Variants in MTERF4 observed in about 807,000 individuals in gnomAD.
MTERF4 encodes mitochondrial transcription termination factor 4, also known as transcription termination factor 4, mitochondrial.
Under a neutral mutation model 22.5 loss-of-function variants are expected in MTERF4, and 17 were observed. The observed-to-expected ratio is 0.75, with a 90% CI of 0.52 to 1.13. The LOEUF (loss-of-function observed/expected upper bound fraction) is 1.13, where lower values mean the gene tolerates loss of function less well. MTERF4 is among the 50% of genes most tolerant of loss of function. The pLI is 0.00. For synonymous variants in MTERF4, 165 were observed against 175.3 expected (o/e 0.94, Z 0.47); for missense variants, 420 against 466.8 (o/e 0.90, Z 0.92).
the MTERF4 span, chr2:241,064,941 C>T: frequency 6.3e-7 from 1 of 1,585,832 alleles, no homozygotes; most frequent in Non-Finnish European, 8.5e-7. The surrounding 1 kb of genome is among the most constrained non-coding windows in gnomAD (Gnocchi z 7.0). Context: ...GCTACACGGG[C>T]GAGGACTGCG....
intron 2 of MTERF4, among the ~76,000 whole-genome samples, chr2:241,098,973 T>C (rs1317115427): frequency 6.6e-6 from 1 of 152,114 alleles, no homozygotes; most frequent in Non-Finnish European, 1.5e-5. Flanking sequence ...CCAAGCCAAA[T>C]TATACAGTCC....
At chr2:241,097,158 G>C in intron 3 of MTERF4, 85 bp downstream of exon 3, 1 of 1,499,414 alleles carries the variant, frequency 6.7e-7, no homozygotes, top group Non-Finnish European at 9.2e-7. Flanking sequence ...CACGGTACCA[G>C]TCATTCTCAC....
chr2:241,069,750 T>G (rs1399790963), downstream of MTERF4, among the ~76,000 whole-genome samples: 1 of 152,100 alleles, frequency 6.6e-6, no homozygotes, highest in Non-Finnish European at 1.5e-5. The surrounding 1 kb of genome is among the most constrained non-coding windows in gnomAD (Gnocchi z 4.9). Flanking sequence ...GTTGGAAGAT[T>G]GTGCTGTACG....
intron 1 of MTERF4, 188 bp downstream of exon 1, chr2:241,102,065 G>T: frequency 9.3e-6 from 6 of 647,002 alleles, no homozygotes; most frequent in Non-Finnish European, 1.2e-5. Flanking sequence ...AAAAAAAAAT[G>T]TCAACTCTAT....
rs2062961823 is a variant in MTERF4 at position 241,075,174 on chromosome 2, T to C, written n.988A>G. 1 of 152,034 alleles carries C rather than the reference T, an allele frequency of 6.6e-6. No homozygotes were observed. The highest frequency in any genetic ancestry group is 2.1e-4 in the South Asian group (1 of 4,812). The allele number at this position is 152,034 out of a possible 1,614,324, so 9.4% of individuals were successfully genotyped here. ...CCTCTCTGTGCAGAGAACATGTAGG[T>C]TGTGTTTGGTATGAGCAGTGCTGCA... On this transcript the variant is annotated non_coding_transcript_exon_variant, in exon 5 of 5. Transcript: ENST00000464344. The surrounding 1 kb of genome is among the most constrained non-coding windows in gnomAD (Gnocchi z 4.8).
chr2:241,064,165 C>A, the MTERF4 span: 1 of 1,388,866 alleles, frequency 7.2e-7, no homozygotes, highest in Non-Finnish European at 9.8e-7. This position sits in a 1 kb window ranked among gnomAD's most constrained non-coding sequence, Gnocchi z 7.0. Flanking sequence ...CCTCTGCCCG[C>A]CTGCTCCCCG....
intron 2 of MTERF4, chr2:241,099,117 C>G (rs949169045): frequency 9.9e-5 from 31 of 312,672 alleles, no homozygotes; most frequent in Non-Finnish European, 1.7e-4. Flanking sequence ...TGCTGTCACC[C>G]AGGCTGGAGT....
Position 241,078,017 on chromosome 2 carries a change from C to G in MTERF4, n.480-2335G>C, listed in dbSNP as rs557999054. On this transcript the variant is annotated intron_variant and non_coding_transcript_variant, in intron 4 of 4. Transcript: ENST00000464344. The stretch of plus-strand genomic sequence containing the variant: ...TGAAAACCTATGTCCACATGAGGTC[C>G]TGTACACAAATATTTATAGCAGCAC... Among the ~76,000 whole-genome samples, 4 of 152,258 alleles carry G rather than the reference C, an allele frequency of 2.6e-5. No individual in the cohort carries two copies. In the South Asian group the frequency reaches 6.2e-4, roughly 24 times the overall value.
At chr2:241,100,380 C>T (rs1484275868) in intron 1 of MTERF4, among the ~76,000 whole-genome samples, 1 of 152,194 alleles carries the variant, frequency 6.6e-6, no homozygotes, top group African/African-American at 2.4e-5. Flanking sequence ...CAAGACCAAA[C>T]TCTCCTTCAC....
chr2:241,090,684 T>C (rs556323603), downstream of MTERF4, among the ~76,000 whole-genome samples: 1 of 152,130 alleles, frequency 6.6e-6, no homozygotes, highest in Non-Finnish European at 1.5e-5. Context: ...CTGGCCAACA[T>C]GATGAAACCC....
the MTERF4 span, among the ~76,000 whole-genome samples, chr2:241,058,002 T>G: frequency 2.0e-5 from 3 of 152,170 alleles, no homozygotes; most frequent in African/African-American, 7.2e-5. Flanking sequence ...ATGAATGGAC[T>G]AACTCTCCAG....
At chr2:241,090,154 C>T (rs527944341), downstream of MTERF4, 117 of 1,461,548 alleles carry the variant, frequency 8.0e-5, 2 homozygotes, top group Middle Eastern at 3.9e-3. Context: ...ACACACTGTA[C>T]GGATGTTCAA....
the MTERF4 span, chr2:241,064,872 T>G: frequency 6.3e-7 from 1 of 1,590,740 alleles, no homozygotes; most frequent in Non-Finnish European, 8.5e-7. The surrounding 1 kb of genome is among the most constrained non-coding windows in gnomAD (Gnocchi z 7.0). Context: ...CCAGCCCCTG[T>G]GGGGGCCGTG....
chr2:241,048,452 C>A, the MTERF4 span: 1 of 1,583,944 alleles, frequency 6.3e-7, no homozygotes, highest in Non-Finnish European at 8.6e-7. Context: ...TGCGTCTGGG[C>A]TGCAAGGGCT....
At chr2:241,064,158 C>G in the MTERF4 span, 2 of 1,383,372 alleles carry the variant, frequency 1.4e-6, no homozygotes, top group Non-Finnish European at 9.8e-7. This position sits in a 1 kb window ranked among gnomAD's most constrained non-coding sequence, Gnocchi z 7.0. Context: ...TCCCCGCCCT[C>G]TGCCCGCCTG....
the MTERF4 span, chr2:241,064,902 C>T: frequency 1.0e-3 from 1,663 of 1,584,012 alleles, 1 homozygote; most frequent in Non-Finnish European, 1.3e-3. The surrounding 1 kb of genome is among the most constrained non-coding windows in gnomAD (Gnocchi z 7.0). Context: ...TGGCCAGCAA[C>T]GGCTCCCACA....
chr2:241,090,321 C>T (rs1182568498), downstream of MTERF4: 6 of 1,549,894 alleles, frequency 3.9e-6, no homozygotes, highest in African/African-American at 6.8e-5. Flanking sequence ...ACTTCCACAT[C>T]GTGTCCCAGT....
At chr2:241,089,911 A>C (rs2063804141), downstream of MTERF4, 3 of 1,528,298 alleles carry the variant, frequency 2.0e-6, no homozygotes, top group Non-Finnish European at 2.6e-6. Context: ...ACACAGTGCC[A>C]AGTGTGTGTG....
chr2:241,068,893 G>A, downstream of MTERF4: 1 of 1,519,146 alleles, frequency 6.6e-7, no homozygotes, highest in Middle Eastern at 1.7e-4. The surrounding 1 kb of genome is among the most constrained non-coding windows in gnomAD (Gnocchi z 5.3). Context: ...TTCTCTCTTT[G>A]TCACCTCCTG....
Sources: gnomAD v4.1 joint callset for allele counts (sites outside exome capture counted in the v4.1 genomes callset) on GRCh38, gnomAD v4.1.1 for gene constraint, Gnocchi (gnomAD v3.1) non-coding constraint, MANE v1.5 for transcripts, NCBI Gene and HGNC (gene_info 2026-07-23, HGNC 2026-07-21) for gene names.